The following TGFBRAP1 variants were observed in gnomAD, a reference collection of about 807,000 sequenced individuals.
TGFBRAP1 encodes the protein transforming growth factor-beta receptor-associated protein 1.
In TGFBRAP1, 20 loss-of-function variants were observed where a neutral mutation model predicts 83.2. That is an observed-to-expected ratio of 0.24 (90% CI 0.17 to 0.35). The LOEUF (loss-of-function observed/expected upper bound fraction) is 0.35, where lower values mean the gene tolerates loss of function less well. Among genes scored for constraint, TGFBRAP1 ranks in the 10% least tolerant of loss-of-function variants. TGFBRAP1 has a pLI of 1.00. For missense variants in TGFBRAP1, 950 were observed against 1,099.4 expected, an observed-to-expected ratio of 0.86 and a Z score of 1.92; for synonymous variants, 415 against 459.8, an observed-to-expected ratio of 0.90 and a Z score of 1.25.
chr2:105,282,801 G>C (rs1677587373), intron 5 of TGFBRAP1, among the ~76,000 whole-genome samples: 1 of 150,962 alleles, frequency 6.6e-6, no homozygotes, highest in Admixed American at 6.6e-5. Context: ...ACTCCAGCCT[G>C]GGAGACAGAA....
At chr2:105,276,590 G>A (rs149750751) in intron 7 of TGFBRAP1, among the ~76,000 whole-genome samples, 5 of 152,176 alleles carry the variant, frequency 3.3e-5, no homozygotes, top group Admixed American at 1.3e-4. Context: ...ATTCTACCAC[G>A]TATGGAGATT....
Position 105,267,049 on chromosome 2 carries a change from T to TCATTAAAAAA in TGFBRAP1, c.*333_*334insTTTTTTAATG. 1 of 225,654 alleles carries TCATTAAAAAA rather than the reference T, an allele frequency of 4.4e-6. No individual in the cohort carries two copies. The highest frequency in any genetic ancestry group is 8.7e-6 in the Non-Finnish European group (1 of 114,444). The allele number at this position is 225,654 out of a possible 1,614,324, so 14.0% of individuals were successfully genotyped here. A position where few individuals can be genotyped will look rare whatever the true frequency, so the allele number is the denominator to read the frequency against. On this transcript the variant is annotated 3_prime_UTR_variant, in exon 12 of 12. Coordinates refer to ENST00000393359, the MANE Select transcript of TGFBRAP1 (RefSeq NM_004257.6). ...TGGTGGGGGATCCCCCACCTGGGTCTGGACTGCATGAGGAAGACTCCCTTT... is the reference window on the plus strand; with the variant it reads ...TGGTGGGGGATCCCCCACCTGGGTCTCATTAAAAAAGGACTGCATGAGGAAGACTCCCTTT...
chr2:105,285,238 C>T (rs895341924), intron 4 of TGFBRAP1, among the ~76,000 whole-genome samples: 5 of 152,238 alleles, frequency 3.3e-5, no homozygotes, highest in African/African-American at 1.2e-4. Context: ...CTCCTTCTAA[C>T]TCATCCTTCC....
In TGFBRAP1 at chr2:105,269,908, C is replaced by T. The variant is rs916360621; in HGVS notation, c.1973-203G>A. Among the ~76,000 whole-genome samples, 19 of 152,108 alleles carry T rather than the reference C, an allele frequency of 1.2e-4. No individual in the cohort carries two copies. Among genetic ancestry groups the T allele is most frequent in the African/African-American group, 4.6e-4 (19 of 41,432 alleles). ...ATCCAGGTGTTAGTAAAACAGAAGGCAGACTCTACTCAAAAGTATAGCTGG... is the reference window on the plus strand; with the variant it reads ...ATCCAGGTGTTAGTAAAACAGAAGGTAGACTCTACTCAAAAGTATAGCTGG... On this transcript the variant is annotated intron_variant, in intron 10 of 11. Transcript: ENST00000393359. The surrounding 1 kb of genome is among the most constrained non-coding windows in gnomAD (Gnocchi z 4.1).
At chr2:105,250,573 TC>T in the TGFBRAP1 span, among the ~76,000 whole-genome samples, 2 of 90,600 alleles carry the variant, frequency 2.2e-5, no homozygotes, top group African/African-American at 1.3e-4. Flanking sequence ...GCTCCTCCTC[TC>T]CCTCTCCCTC....
chr2:105,277,043 A>G (rs1677374871), intron 7 of TGFBRAP1, among the ~76,000 whole-genome samples: 1 of 152,248 alleles, frequency 6.6e-6, no homozygotes, highest in African/African-American at 2.4e-5. Context: ...CAAGATCAGT[A>G]GCAAGATGTA....
Position 105,267,233 on chromosome 2 carries a change from A to C in TGFBRAP1, c.*150T>G. The C allele has an allele frequency of 1.1e-6, 1 of 881,020 alleles. No individual in the cohort carries two copies. The highest frequency in any genetic ancestry group is 1.7e-6 in the Non-Finnish European group (1 of 593,028). 54.6% of individuals were successfully genotyped at this position (881,020 alleles called of 1,614,324 possible). A position where few individuals can be genotyped will look rare whatever the true frequency, so the allele number is the denominator to read the frequency against. On this transcript the variant is annotated 3_prime_UTR_variant, in exon 12 of 12. Transcript: ENST00000393359. ...TCATAGAGCCTGGTCAGCAGCGAGG[A>C]GTCCTTGTTGCGTATGGACGGAAGG...
At chr2:105,276,581 T>C (rs1451564899) in intron 7 of TGFBRAP1, among the ~76,000 whole-genome samples, 1 of 152,222 alleles carries the variant, frequency 6.6e-6, no homozygotes, top group African/African-American at 2.4e-5. Flanking sequence ...TTATATAAAA[T>C]TCTACCACGT....
chr2:105,312,258 T>TC (rs1428146014), intron 1 of TGFBRAP1, among the ~76,000 whole-genome samples: 21 of 152,138 alleles, frequency 1.4e-4, no homozygotes, highest in Non-Finnish European at 3.1e-4. Flanking sequence ...GCCCAAGAGT[T>TC]CAAGACCAGC....
At chr2:105,249,961 G>A in the TGFBRAP1 span, among the ~76,000 whole-genome samples, 176 of 152,328 alleles carry the variant, frequency 1.2e-3, no homozygotes, top group Admixed American at 1.8e-3. Context: ...ATGTGTGTGC[G>A]TGCATGCACA....
intron 1 of TGFBRAP1, among the ~76,000 whole-genome samples, chr2:105,309,154 C>T (rs1678616337): frequency 6.6e-6 from 1 of 152,220 alleles, no homozygotes. Context: ...TGTGGCTTCA[C>T]ACTCCACAAA....
chr2:105,269,306 G>C lies in TGFBRAP1; in HGVS notation c.2372C>G (p.Ala791Gly). Residue 791 changes from alanine to glycine, a missense_variant, in exon 11 of 12, where the codon GCC becomes GGC. Ala to Gly is a moderately conservative substitution (Grantham distance 60). Transcript: ENST00000393359. This position sits in a 1 kb window ranked among gnomAD's most constrained non-coding sequence, Gnocchi z 4.1. ...RRTMQVALGL[A>G]RSENLIYTYD... ...GGTGTAGATTAAGTTTTCGGACCTG[G>C]CCAGGCCGAGAGCCACCTGCATGGT... 1 of 1,610,954 alleles carries C rather than the reference G, an allele frequency of 6.2e-7. No homozygotes were observed.
At position 105,275,549 on chromosome 2, in the gene TGFBRAP1, G is replaced by A. The variant is rs778980301; in HGVS notation, c.1665+11C>T. 1.2e-5 allele frequency: 19 copies of A among 1,610,970 alleles called. No homozygotes were observed. The highest frequency in any genetic ancestry group is 1.7e-4 in the Middle Eastern group (1 of 6,056). On this transcript the variant is annotated intron_variant, in intron 8 of 11. Coordinates refer to ENST00000393359, the MANE Select transcript of TGFBRAP1 (RefSeq NM_004257.6). The stretch of plus-strand genomic sequence containing the variant: ...CCAACCAAAGAGAATGCATTTTTAC[G>A]AAGCACAAACCTCTTCACTTTTCTG...
rs1295228230 is a variant in TGFBRAP1, at chr2:105,272,905, A to G, written c.1922T>C (p.Leu641Pro). ...GAEATETQAK[L>P]RRLLQKSDLY... ...ATCAGATTTCTGGAGCAGCCGCCGC[A>G]GCTTGGCCTGCGTCTCGGTGGCCTC... The change falls in exon 10 of 12, where the codon CTG becomes CCG. Residue 641 changes from leucine to proline, a missense_variant. Physicochemically the swap from Leu to Pro is moderately conservative, Grantham distance 98. Coordinates refer to ENST00000393359, the MANE Select transcript of TGFBRAP1 (RefSeq NM_004257.6). The G allele has an allele frequency of 6.2e-7, 1 of 1,609,964 alleles. No individual in the cohort carries two copies. Among genetic ancestry groups the G allele is most frequent in the Non-Finnish European group, 8.5e-7 (1 of 1,179,830 alleles).
Position 105,269,246 on chromosome 2 carries a change from A to G in TGFBRAP1, c.2406+26T>C. The G allele has an allele frequency of 5.1e-6, 8 of 1,556,576 alleles. No individual in the cohort carries two copies. The highest frequency in any genetic ancestry group is 7.0e-6 in the Non-Finnish European group (8 of 1,145,592). On this transcript the variant is annotated intron_variant, in intron 11 of 11. Transcript: ENST00000393359. The surrounding 1 kb of genome is among the most constrained non-coding windows in gnomAD (Gnocchi z 4.1). ...TCAGTACAATGTTGACTGACCAGGA[A>G]GCAGCTCGTGGGGGCCAGCACTTAC...
At chr2:105,314,872 C>T (rs1678803798) in intron 1 of TGFBRAP1, among the ~76,000 whole-genome samples, 1 of 151,090 alleles carries the variant, frequency 6.6e-6, no homozygotes, top group Admixed American at 6.6e-5. Flanking sequence ...ATCGCTTGGA[C>T]CCAGGAGGCA....
At chr2:105,294,120 T>C (rs1442284793) in intron 4 of TGFBRAP1, among the ~76,000 whole-genome samples, 1 of 152,204 alleles carries the variant, frequency 6.6e-6, no homozygotes, top group Non-Finnish European at 1.5e-5. Flanking sequence ...TGCCATGTCT[T>C]GTCTGTGAAA....
intron 3 of TGFBRAP1, among the ~76,000 whole-genome samples, chr2:105,297,092 G>A (rs1184874005): frequency 6.6e-6 from 1 of 152,010 alleles, no homozygotes; most frequent in African/African-American, 2.4e-5. Context: ...CATTTTACCT[G>A]TGAGCCCCTC....
chr2:105,326,523 A>T (rs763786015), intron 1 of TGFBRAP1, among the ~76,000 whole-genome samples: 1 of 152,128 alleles, frequency 6.6e-6, no homozygotes, highest in South Asian at 2.1e-4. Flanking sequence ...TTCAAAACCA[A>T]CCTGGGCAAC....
Sources: gnomAD v4.1 joint callset for allele counts (sites outside exome capture counted in the v4.1 genomes callset) on GRCh38, gnomAD v4.1.1 for gene constraint, Gnocchi (gnomAD v3.1) non-coding constraint, MANE v1.5 for transcripts, NCBI Gene and HGNC (gene_info 2026-07-23, HGNC 2026-07-21) for gene names.